DYM: variants seen among roughly 807,000 people sequenced by gnomAD.
DYM encodes dyggve-Melchior-Clausen syndrome protein.
A neutral mutation model predicts 93.1 loss-of-function variants in DYM; 78 were observed. The ratio of observed to expected loss-of-function variants is 0.84; its 90% CI spans 0.70 to 1.01. The LOEUF (loss-of-function observed/expected upper bound fraction) is 1.01. Among genes scored for constraint, DYM ranks in the 50% least tolerant of loss-of-function variants. The pLI is 0.00. For synonymous variants in DYM, 321 were observed against 319.7 expected (o/e 1.00, Z -0.04); for missense variants, 789 against 845.0 (o/e 0.93, Z 0.82).
intron 17 of DYM, among the ~76,000 whole-genome samples, chr18:49,095,655 C>A (rs2079477403): frequency 6.6e-6 from 1 of 152,040 alleles, no homozygotes; most frequent in Admixed American, 6.6e-5. Flanking sequence ...TGGGACCCAC[C>A]ATAGATCAAT....
chr18:49,112,081 G>T lies in DYM; in HGVS notation c.1911+6663C>A, dbSNP rs554982466. On this transcript the variant is annotated intron_variant, in intron 16 of 17. Transcript: ENST00000675505. ...AATGGGTCTCTACCTATGCCCCGAG[G>T]GCAACAAGGTTTGGTGCCTGCCTCT... 1.2e-4 allele frequency among the ~76,000 whole-genome samples: 17 copies of T among 145,892 alleles called. No homozygotes were observed. In the South Asian group the frequency reaches 3.7e-3, roughly 32 times the overall value.
intron 2 of DYM, among the ~76,000 whole-genome samples, chr18:49,419,714 G>A (rs1254748662): frequency 6.6e-6 from 1 of 152,012 alleles, no homozygotes; most frequent in East Asian, 1.9e-4. Flanking sequence ...CAATCTATAG[G>A]TCAATTTGAA....
At chr18:49,337,522 T>C (rs985795086) in intron 6 of DYM, among the ~76,000 whole-genome samples, 9 of 152,172 alleles carry the variant, frequency 5.9e-5, no homozygotes, top group Admixed American at 4.6e-4. Flanking sequence ...GAACTATGTA[T>C]GGATAGAGCT....
chr18:49,081,485 G>T (rs1488279202), intron 17 of DYM, among the ~76,000 whole-genome samples: 3 of 148,602 alleles, frequency 2.0e-5, no homozygotes. Flanking sequence ...GCATCAGAGG[G>T]AGACCGTGGA....
chr18:49,449,537 A>G (rs1172792959), intron 1 of DYM, among the ~76,000 whole-genome samples: 1 of 152,146 alleles, frequency 6.6e-6, no homozygotes, highest in East Asian at 1.9e-4. Context: ...GGAAAAGTTA[A>G]TTTCCCCAAA....
At chr18:49,362,689 G>T (rs2066138629) in intron 6 of DYM, among the ~76,000 whole-genome samples, 1 of 152,106 alleles carries the variant, frequency 6.6e-6, no homozygotes, top group African/African-American at 2.4e-5. Context: ...TTACCCAGAG[G>T]TTTCATTGGA....
At chr18:49,052,548 A>C (rs1376747682) in intron 17 of DYM, among the ~76,000 whole-genome samples, 1 of 152,266 alleles carries the variant, frequency 6.6e-6, no homozygotes, top group African/African-American at 2.4e-5. Context: ...GTCCCTTTGT[A>C]GAGAACAATG....
chr18:49,194,554 G>C (rs1332617246), intron 14 of DYM, among the ~76,000 whole-genome samples: 1 of 152,124 alleles, frequency 6.6e-6, no homozygotes, highest in Non-Finnish European at 1.5e-5. Context: ...AATCCAGTTA[G>C]TTAATAAGTA....
At chr18:49,176,426 T>A (rs2145377665) in intron 14 of DYM, among the ~76,000 whole-genome samples, 1 of 152,146 alleles carries the variant, frequency 6.6e-6, no homozygotes, top group African/African-American at 2.4e-5. Context: ...ATTTTTTTTT[T>A]AAGAAACAGG....
At chr18:49,114,330 G>T (rs1316689879) in intron 16 of DYM, among the ~76,000 whole-genome samples, 2 of 152,194 alleles carry the variant, frequency 1.3e-5, no homozygotes, top group African/African-American at 4.8e-5. Flanking sequence ...GTGGTTTTAA[G>T]AACTGCATAA....
intron 8 of DYM, among the ~76,000 whole-genome samples, chr18:49,314,875 C>A (rs1334070546): frequency 6.6e-6 from 1 of 152,134 alleles, no homozygotes; most frequent in Non-Finnish European, 1.5e-5. Context: ...CTGTTTGGCT[C>A]ACTCTTTTTG....
At chr18:49,182,280 T>A (rs1191990982) in intron 14 of DYM, among the ~76,000 whole-genome samples, 3 of 152,224 alleles carry the variant, frequency 2.0e-5, no homozygotes, top group East Asian at 3.8e-4. Context: ...TGTTATTGGT[T>A]GGAGTGTTCT....
At chr18:49,079,976 G>GT (rs1255440586) in intron 17 of DYM, among the ~76,000 whole-genome samples, 1 of 150,778 alleles carries the variant, frequency 6.6e-6, no homozygotes, top group Non-Finnish European at 1.5e-5. Context: ...TCCCAGTAGG[G>GT]GCGGCCGGGC....
intron 13 of DYM, among the ~76,000 whole-genome samples, chr18:49,216,975 A>C (rs1021104728): frequency 6.6e-6 from 1 of 152,216 alleles, no homozygotes; most frequent in Non-Finnish European, 1.5e-5. Flanking sequence ...GAGGAAATTC[A>C]AACCGAAGGC....
At chr18:49,305,763 C>T (rs553238670) in intron 8 of DYM, among the ~76,000 whole-genome samples, 1 of 150,912 alleles carries the variant, frequency 6.6e-6, no homozygotes, top group East Asian at 1.9e-4. Context: ...ATCCATGCAC[C>T]CTTCCATTTG....
At chr18:49,228,441 C>T (rs1054288606) in intron 13 of DYM, among the ~76,000 whole-genome samples, 1 of 152,100 alleles carries the variant, frequency 6.6e-6, no homozygotes, top group Non-Finnish European at 1.5e-5. Context: ...AAGAAAACCC[C>T]ACAATTTGGA....
At chr18:49,402,957 C>G (rs898526153) in intron 2 of DYM, among the ~76,000 whole-genome samples, 3 of 152,120 alleles carry the variant, frequency 2.0e-5, no homozygotes, top group African/African-American at 7.2e-5. Context: ...AATCGCAGTT[C>G]TCATCTGTAA....
At chr18:49,183,623 T>C (rs2090140319) in intron 14 of DYM, among the ~76,000 whole-genome samples, 1 of 152,124 alleles carries the variant, frequency 6.6e-6, no homozygotes, top group Non-Finnish European at 1.5e-5. Flanking sequence ...CCTGGGATAG[T>C]TCACTTCTGC....
chr18:49,356,008 T>G (rs1193504078), intron 6 of DYM, among the ~76,000 whole-genome samples: 1 of 152,116 alleles, frequency 6.6e-6, no homozygotes, highest in African/African-American at 2.4e-5. Flanking sequence ...TGATTTTGTC[T>G]CCAAACCATG....
Sources: allele counts gnomAD v4.1 joint callset (sites outside exome capture counted in the v4.1 genomes callset), GRCh38; gene constraint gnomAD v4.1.1; transcripts MANE v1.5; gene names NCBI Gene and HGNC (gene_info 2026-07-23, HGNC 2026-07-21).